Variants in CPXM2 observed in about 807,000 individuals in gnomAD.
CPXM2 encodes inactive carboxypeptidase-like protein X2.
A neutral mutation model predicts 86.1 loss-of-function variants in CPXM2; 66 were observed. The ratio of observed to expected loss-of-function variants is 0.77; its 90% CI spans 0.63 to 0.94. The LOEUF (loss-of-function observed/expected upper bound fraction) is 0.94. Among genes scored for constraint, CPXM2 ranks in the 40% least tolerant of loss-of-function variants. The pLI is 0.00. For missense variants in CPXM2, 948 were observed against 1,026.3 expected (o/e 0.92, Z 1.04); for synonymous variants, 388 against 400.2 (o/e 0.97, Z 0.36).
chr10:123,802,304 T>C (rs1205731396), intron 4 of CPXM2, among the ~76,000 whole-genome samples: 1 of 152,200 alleles, frequency 6.6e-6, no homozygotes, highest in Admixed American at 6.5e-5. Flanking sequence ...TCAGAGGCTG[T>C]CTTTGTTTTT....
intron 2 of CPXM2, among the ~76,000 whole-genome samples, chr10:123,936,399 C>T (rs1945720863): frequency 6.6e-6 from 1 of 152,210 alleles, no homozygotes; most frequent in Non-Finnish European, 1.5e-5. Context: ...GAAGTGTCTG[C>T]AGCTCTTATC....
At chr10:123,849,584 T>C (rs1848561210) in intron 3 of CPXM2, among the ~76,000 whole-genome samples, 3 of 152,072 alleles carry the variant, frequency 2.0e-5, no homozygotes, top group Non-Finnish European at 4.4e-5. Context: ...TGGCTAATTT[T>C]TGTATTTTTA....
intron 2 of CPXM2, among the ~76,000 whole-genome samples, chr10:123,922,805 G>A (rs1945588353): frequency 6.6e-6 from 1 of 152,218 alleles, no homozygotes; most frequent in Non-Finnish European, 1.5e-5. Flanking sequence ...GTTGCAGCCT[G>A]AGTAGAATAA....
chr10:123,879,529 T>C (rs1028308576), intron 2 of CPXM2, among the ~76,000 whole-genome samples: 1 of 152,142 alleles, frequency 6.6e-6, no homozygotes, highest in Non-Finnish European at 1.5e-5. Flanking sequence ...TGCCAAATAC[T>C]CAGCCAAGTG....
intron 2 of CPXM2, among the ~76,000 whole-genome samples, chr10:123,922,330 C>G (rs978759544): frequency 1.3e-5 from 2 of 152,322 alleles, no homozygotes; most frequent in South Asian, 2.1e-4. Flanking sequence ...AGGTATGGCA[C>G]TGAGCCCAGC....
At chr10:123,749,841 T>C (rs1490414481) in intron 13 of CPXM2, among the ~76,000 whole-genome samples, 1 of 152,240 alleles carries the variant, frequency 6.6e-6, no homozygotes, top group African/African-American at 2.4e-5. Context: ...AGTCTCACTC[T>C]ATCGCCCAGG....
At chr10:123,828,090 C>T (rs1848084823) in intron 4 of CPXM2, among the ~76,000 whole-genome samples, 1 of 151,966 alleles carries the variant, frequency 6.6e-6, no homozygotes, top group Non-Finnish European at 1.5e-5. Context: ...AAGATTGCTT[C>T]AGCCTGGGAG....
At chr10:123,816,230 G>A (rs1227050912) in intron 4 of CPXM2, among the ~76,000 whole-genome samples, 1 of 152,122 alleles carries the variant, frequency 6.6e-6, no homozygotes, top group Non-Finnish European at 1.5e-5. Context: ...CATCTTTGAA[G>A]CTCCCTGGAT....
At chr10:123,799,412 A>G (rs41310318) in intron 4 of CPXM2, among the ~76,000 whole-genome samples, 17,198 of 152,246 alleles carry the variant, frequency 0.11, 1,287 homozygotes, top group African/African-American at 0.23. Flanking sequence ...GAATCATAAA[A>G]GCATCAACCT....
At chr10:123,803,375 G>C (rs1405959035) in intron 4 of CPXM2, among the ~76,000 whole-genome samples, 4 of 151,942 alleles carry the variant, frequency 2.6e-5, no homozygotes, top group African/African-American at 9.7e-5. Flanking sequence ...GCCTCTCAGA[G>C]TGCTGGGATT....
At chr10:123,773,494 C>T (rs532105682) in intron 7 of CPXM2, among the ~76,000 whole-genome samples, 5 of 152,376 alleles carry the variant, frequency 3.3e-5, no homozygotes, top group African/African-American at 1.2e-4. Flanking sequence ...CACTACACTG[C>T]AGATCATTGA....
chr10:123,778,414 T>C (rs918072145), intron 7 of CPXM2, among the ~76,000 whole-genome samples: 2 of 152,212 alleles, frequency 1.3e-5, no homozygotes, highest in Non-Finnish European at 2.9e-5. Flanking sequence ...GGCGCTCTCC[T>C]GGACAGTCTC....
intron 6 of CPXM2, among the ~76,000 whole-genome samples, chr10:123,792,888 AAG>A (rs1847238621): frequency 6.6e-6 from 1 of 152,206 alleles, no homozygotes; most frequent in South Asian, 2.1e-4. Context: ...GGAAAGACCT[AAG>A]GCAACCCAGA....
At chr10:123,868,216 G>A (rs1267642657) in intron 2 of CPXM2, among the ~76,000 whole-genome samples, 2 of 152,164 alleles carry the variant, frequency 1.3e-5, no homozygotes, top group South Asian at 2.1e-4. Context: ...TTAGGCCAGC[G>A]CCCAAGGCTG....
intron 13 of CPXM2, among the ~76,000 whole-genome samples, chr10:123,747,791 G>T (rs1322231241): frequency 6.6e-6 from 1 of 151,908 alleles, no homozygotes; most frequent in Non-Finnish European, 1.5e-5. Context: ...GTGTGGTGGT[G>T]GGTGCCTGTA....
chr10:123,924,108 C>T (rs1945602684), intron 2 of CPXM2, among the ~76,000 whole-genome samples: 1 of 152,192 alleles, frequency 6.6e-6, no homozygotes, highest in African/African-American at 2.4e-5. Context: ...CTCTCACACA[C>T]ACACTTCACT....
At chr10:123,786,882 T>A (rs1435796036) in intron 6 of CPXM2, among the ~76,000 whole-genome samples, 1 of 152,220 alleles carries the variant, frequency 6.6e-6, no homozygotes, top group Non-Finnish European at 1.5e-5. Context: ...CACTGGGCAC[T>A]AAAGTCTCCC....
chr10:123,798,192 G>A, intron 5 of CPXM2, 66 bp from the exon 6 acceptor site: 3 of 1,339,704 alleles, frequency 2.2e-6, no homozygotes, highest in South Asian at 3.7e-5. Context: ...TAAAAAGTCA[G>A]AATTCACTCA....
intron 2 of CPXM2, among the ~76,000 whole-genome samples, chr10:123,936,408 T>A (rs1945721019): frequency 6.6e-6 from 1 of 152,196 alleles, no homozygotes; most frequent in African/African-American, 2.4e-5. Flanking sequence ...GCAGCTCTTA[T>A]CGGCTATATG....
Sources: gnomAD v4.1 joint callset for allele counts (sites outside exome capture counted in the v4.1 genomes callset) on GRCh38, gnomAD v4.1.1 for gene constraint, MANE v1.5 for transcripts, NCBI Gene and HGNC (gene_info 2026-07-23, HGNC 2026-07-21) for gene names.